The following OSBPL1A variants were observed in gnomAD, a reference collection of about 807,000 sequenced individuals.
The protein encoded by OSBPL1A is oxysterol-binding protein-related protein 1.
In OSBPL1A, 80 loss-of-function variants were observed where a neutral mutation model predicts 137.1. That is an observed-to-expected ratio of 0.58 (90% confidence interval 0.49 to 0.70). The LOEUF is 0.70. Among genes scored for constraint, OSBPL1A ranks in the 30% least tolerant of loss-of-function variants. OSBPL1A has a pLI of 0.00. For missense variants in OSBPL1A, 970 were observed against 1,129.4 expected (o/e 0.86, Z 2.02); for synonymous variants, 365 against 389.7 (o/e 0.94, Z 0.75).
chr18:24,321,617 C>G (rs2090859650), intron 7 of OSBPL1A: 1 of 477,960 alleles, frequency 2.1e-6, no homozygotes, highest in Admixed American at 2.4e-5. Context: ...TACAATGGTT[C>G]TATGAGGACG....
At chr18:24,199,215 G>A (rs1475976361) in intron 17 of OSBPL1A, among the ~76,000 whole-genome samples, 2 of 152,034 alleles carry the variant, frequency 1.3e-5, no homozygotes, top group Non-Finnish European at 2.9e-5. Context: ...CTGATCCGAG[G>A]CGAGGCAAAG....
chr18:24,275,884 C>A (rs1017132767), intron 15 of OSBPL1A, among the ~76,000 whole-genome samples: 1 of 152,046 alleles, frequency 6.6e-6, no homozygotes, highest in Non-Finnish European at 1.5e-5. Context: ...CCTGCCACCA[C>A]GCCTGGCTAA....
chr18:24,283,026 T>G (rs1443483788), intron 14 of OSBPL1A, among the ~76,000 whole-genome samples: 1 of 151,928 alleles, frequency 6.6e-6, no homozygotes, highest in Non-Finnish European at 1.5e-5. Flanking sequence ...GGAGGACTGC[T>G]TGAGCCCAGG....
At chr18:24,192,436 T>A (rs1297845640) in intron 18 of OSBPL1A, among the ~76,000 whole-genome samples, 5 of 152,244 alleles carry the variant, frequency 3.3e-5, no homozygotes, top group Non-Finnish European at 7.3e-5. Flanking sequence ...GAGATTTGTT[T>A]GTTTGGTAAA....
chr18:24,329,547 C>CAAAAA (rs369613715), intron 7 of OSBPL1A, among the ~76,000 whole-genome samples: 1 of 63,468 alleles, frequency 1.6e-5, no homozygotes. Flanking sequence ...GAAACTCTGT[C>CAAAAA]AAAAAAAAAA....
intron 7 of OSBPL1A, among the ~76,000 whole-genome samples, chr18:24,324,755 T>A (rs1486705070): frequency 8.0e-6 from 1 of 124,870 alleles, no homozygotes. Flanking sequence ...CTGCACTCCA[T>A]CCTGGGCGAC....
intron 14 of OSBPL1A, among the ~76,000 whole-genome samples, chr18:24,300,490 G>A (rs2090378694): frequency 6.6e-6 from 1 of 152,176 alleles, no homozygotes; most frequent in South Asian, 2.1e-4. Context: ...TACAGAATCT[G>A]AGTTAGAAGA....
chr18:24,256,964 C>CAAAAAAAAAAAAAAAAAAAAAAAA (rs201880387), intron 15 of OSBPL1A, among the ~76,000 whole-genome samples: 7 of 29,514 alleles, frequency 2.4e-4, no homozygotes, highest in Non-Finnish European at 2.7e-4. Context: ...GAAGAGGATG[C>CAAAAAAAAAAAAAAAAAAAAAAAA]AAAAAAAAAA....
chr18:24,333,080 T>C lies in OSBPL1A; in HGVS notation c.487A>G (p.Arg163Gly), dbSNP rs1425143622. ...KTTELTALLN[R>G]PNPPDVNCSD... ...CAGTTAACATCAGGAGGATTGGGCC[T>C]GTTGAGCTAACAATTAAAAAAATGC... Residue 163 changes from arginine (R) to glycine (G), a missense_variant, in exon 7 of 28, where the codon AGG (arginine) becomes GGG (glycine). This residue lies in a region of OSBPL1A where 647 missense variants were observed against 672.6 expected (regional missense o/e 0.96). Transcript: ENST00000319481. 1 of 1,612,618 alleles carries C rather than the reference T, an allele frequency of 6.2e-7. No homozygotes were observed. The highest frequency in any genetic ancestry group is 1.7e-5 in the Admixed American group (1 of 59,576).
chr18:24,366,868 C>T (rs1386855454), intron 4 of OSBPL1A, 24 bp downstream of exon 4: 4 of 1,603,132 alleles, frequency 2.5e-6, no homozygotes, highest in South Asian at 2.2e-5. Context: ...CACTTACAAA[C>T]ATTGAACATA....
intron 2 of OSBPL1A, among the ~76,000 whole-genome samples, chr18:24,369,448 G>A (rs1905439839): frequency 6.6e-6 from 1 of 152,202 alleles, no homozygotes; most frequent in Non-Finnish European, 1.5e-5. Context: ...AAAGTCACCT[G>A]CCTTGATGGG....
In OSBPL1A at chr18:24,211,555, CCCA is replaced by C. The variant is rs143083213; in HGVS notation, c.1601+13484_1601+13486del. 7.5e-3 allele frequency among the ~76,000 whole-genome samples: 1,145 copies of C among 152,062 alleles called. 14 individuals are homozygous for C. Among genetic ancestry groups the C allele is most frequent in the African/African-American group, 0.026 (1,075 of 41,450 alleles). On this transcript the variant is annotated intron_variant, in intron 17 of 27. Coordinates refer to ENST00000319481, the MANE Select transcript of OSBPL1A (RefSeq NM_080597.4). ...GAAAGGGCCTTGAGGACCCCTACTC[CCCA>C]CCACAAGAGTCCAAAATCTCTACTT...
intron 14 of OSBPL1A, among the ~76,000 whole-genome samples, chr18:24,287,450 G>A (rs2090085223): frequency 6.6e-6 from 1 of 152,158 alleles, no homozygotes; most frequent in Non-Finnish European, 1.5e-5. Context: ...GAGAGCTTCA[G>A]GGTATGATGC....
At chr18:24,168,719 G>A (rs577922514) in intron 24 of OSBPL1A, among the ~76,000 whole-genome samples, 11 of 152,238 alleles carry the variant, frequency 7.2e-5, no homozygotes, top group South Asian at 2.1e-4. Flanking sequence ...CAAACTTCCC[G>A]CAGCGTCTGT....
chr18:24,279,609 T>A (rs1169821425), intron 15 of OSBPL1A, among the ~76,000 whole-genome samples: 1 of 152,190 alleles, frequency 6.6e-6, no homozygotes, highest in Non-Finnish European at 1.5e-5. Flanking sequence ...AAATTTGGTA[T>A]CTTAATCTAA....
chr18:24,313,782 T>C lies in OSBPL1A; in HGVS notation c.969+467A>G, dbSNP rs963364340. Reference sequence around the variant, plus strand: ...CATGTTGATAAAGAACTAATTCATGTACCAAATTTTAAAGGCTTCATTTAA... The same window carrying C: ...CATGTTGATAAAGAACTAATTCATGCACCAAATTTTAAAGGCTTCATTTAA... On this transcript the variant is annotated intron_variant, in intron 12 of 27. Coordinates refer to ENST00000319481, the MANE Select transcript of OSBPL1A (RefSeq NM_080597.4). Among the ~76,000 whole-genome samples the C allele has an allele frequency of 2.6e-5, 4 of 152,196 alleles. No homozygotes were observed. The South Asian group carries it at 8.3e-4, about 32-fold the overall frequency.
At chr18:24,245,271 T>C (rs1289581691) in intron 15 of OSBPL1A, among the ~76,000 whole-genome samples, 6 of 151,996 alleles carry the variant, frequency 3.9e-5, no homozygotes, top group Non-Finnish European at 8.8e-5. Context: ...AATTTTTTTT[T>C]CGGCAGAGAC....
chr18:24,270,745 C>A (rs1199710909), intron 15 of OSBPL1A, among the ~76,000 whole-genome samples: 1 of 152,122 alleles, frequency 6.6e-6, no homozygotes, highest in Non-Finnish European at 1.5e-5. Context: ...ACCCCCCACC[C>A]CACCCCGTTT....
At chr18:24,275,316 A>G (rs2089820061) in intron 15 of OSBPL1A, among the ~76,000 whole-genome samples, 1 of 152,314 alleles carries the variant, frequency 6.6e-6, no homozygotes, top group South Asian at 2.1e-4. Flanking sequence ...AGAGGAAAGT[A>G]TAAGAGCAGA....
Sources: gnomAD v4.1 joint callset for allele counts (sites outside exome capture counted in the v4.1 genomes callset) on GRCh38, gnomAD v4.1.1 for gene constraint, gnomAD v4.1.1 regional missense constraint, MANE v1.5 for transcripts, NCBI Gene and HGNC (gene_info 2026-07-23, HGNC 2026-07-21) for gene names.